Variants in MAP7 observed in about 807,000 individuals in gnomAD.
The protein encoded by MAP7 is ensconsin.
MAP7 carries 52 observed loss-of-function variants against 94.8 expected under a neutral mutation model. That is an observed-to-expected ratio of 0.55 (90% CI 0.44 to 0.69). The LOEUF is 0.69. MAP7 is among the 30% of genes least tolerant of loss of function. MAP7 has a pLI of 0.00. For missense variants in MAP7, 940 were observed against 964.6 expected (o/e 0.97, Z 0.34); for synonymous variants, 350 against 357.0 (o/e 0.98, Z 0.22).
chr6:136,450,185 A>G (rs1800670637), intron 1 of MAP7, among the ~76,000 whole-genome samples: 1 of 152,180 alleles, frequency 6.6e-6, no homozygotes, highest in Non-Finnish European at 1.5e-5. Context: ...ACTCTGTCTC[A>G]AAAATAAAAA....
chr6:136,421,837 T>C, intron 1 of MAP7, 38 bp from the exon 2 acceptor site: 2 of 1,463,924 alleles, frequency 1.4e-6, no homozygotes, highest in Non-Finnish European at 1.9e-6. Context: ...ACACATTTAG[T>C]TTCTTAAAAT....
At chr6:136,510,036 T>C (rs1235171489) in intron 1 of MAP7, among the ~76,000 whole-genome samples, 1 of 152,126 alleles carries the variant, frequency 6.6e-6, no homozygotes, top group African/African-American at 2.4e-5. Flanking sequence ...ACCCTGTCTC[T>C]ACTAAGAATA....
At chr6:136,528,024 G>C (rs1475751478) in intron 1 of MAP7, among the ~76,000 whole-genome samples, 1 of 152,228 alleles carries the variant, frequency 6.6e-6, no homozygotes, top group Non-Finnish European at 1.5e-5. Context: ...GGAGCTGAAT[G>C]GGCCTGAGAA....
intron 1 of MAP7, among the ~76,000 whole-genome samples, chr6:136,540,879 G>A (rs1204024637): frequency 6.6e-6 from 1 of 152,202 alleles, no homozygotes; most frequent in Non-Finnish European, 1.5e-5. Flanking sequence ...GTCCCCAGGT[G>A]ATTTTTAATC....
intron 1 of MAP7, among the ~76,000 whole-genome samples, chr6:136,503,519 T>A (rs1251857624): frequency 6.6e-6 from 1 of 152,124 alleles, no homozygotes; most frequent in Non-Finnish European, 1.5e-5. Flanking sequence ...GTACCATCTG[T>A]TTCCTCCCCC....
At chr6:136,458,446 C>T (rs1176111201) in intron 1 of MAP7, among the ~76,000 whole-genome samples, 1 of 151,860 alleles carries the variant, frequency 6.6e-6, no homozygotes. Flanking sequence ...CATATGGAAC[C>T]CCAAAGACTC....
At chr6:136,422,518 C>T (rs1166547261) in intron 1 of MAP7, among the ~76,000 whole-genome samples, 1 of 152,146 alleles carries the variant, frequency 6.6e-6, no homozygotes, top group Non-Finnish European at 1.5e-5. Flanking sequence ...ACATCAGAGG[C>T]CTATCTGCCC....
chr6:136,543,551 G>A (rs1422638932), intron 1 of MAP7, among the ~76,000 whole-genome samples: 3 of 152,172 alleles, frequency 2.0e-5, no homozygotes, highest in South Asian at 4.1e-4. Context: ...CCGGGAGGCT[G>A]AGGCAGGAGA....
intron 1 of MAP7, among the ~76,000 whole-genome samples, chr6:136,474,782 G>A (rs973495739): frequency 5.3e-5 from 8 of 150,988 alleles, no homozygotes; most frequent in African/African-American, 9.8e-5. Context: ...GCAATGGCAC[G>A]ATCTCAGCTC....
intron 1 of MAP7, among the ~76,000 whole-genome samples, chr6:136,522,716 G>A (rs1158501347): frequency 1.3e-5 from 2 of 152,304 alleles, no homozygotes; most frequent in South Asian, 4.1e-4. Flanking sequence ...TTGCTATGAT[G>A]CTTTGGGAAT....
chr6:136,424,057 C>T (rs1019732003), intron 1 of MAP7, among the ~76,000 whole-genome samples: 1 of 152,028 alleles, frequency 6.6e-6, no homozygotes, highest in African/African-American at 2.4e-5. Flanking sequence ...CTCGGCCTCC[C>T]AAAGTGCTGG....
chr6:136,497,797 CAAAAAAAAAAA>C (rs1199112585), intron 1 of MAP7, among the ~76,000 whole-genome samples: 1 of 46,568 alleles, frequency 2.1e-5, no homozygotes, highest in African/African-American at 6.7e-5. Flanking sequence ...GACTCTGTCA[CAAAAAAAAAAA>C]AAAAAAAAAA....
At chr6:136,522,685 A>C (rs1395219817) in intron 1 of MAP7, among the ~76,000 whole-genome samples, 3 of 152,178 alleles carry the variant, frequency 2.0e-5, no homozygotes, top group East Asian at 1.9e-4. Flanking sequence ...GTCACACACA[A>C]AAAATAAACT....
intron 8 of MAP7, among the ~76,000 whole-genome samples, chr6:136,370,472 C>G (rs1257021583): frequency 6.6e-6 from 1 of 152,162 alleles, no homozygotes; most frequent in Non-Finnish European, 1.5e-5. Context: ...TTCATAGCAG[C>G]GTTATTCACA....
intron 1 of MAP7, among the ~76,000 whole-genome samples, chr6:136,471,085 T>C (rs1808824681): frequency 6.6e-6 from 1 of 152,250 alleles, no homozygotes; most frequent in African/African-American, 2.4e-5. Context: ...ATTTCACTTA[T>C]ATTTTATTTA....
intron 3 of MAP7, among the ~76,000 whole-genome samples, chr6:136,395,885 C>T (rs1462092353): frequency 3.9e-5 from 6 of 152,030 alleles, no homozygotes; most frequent in African/African-American, 9.7e-5. Context: ...CATTTATTTC[C>T]GAGTTCTCTA....
At chr6:136,427,254 A>G (rs916603792) in intron 1 of MAP7, among the ~76,000 whole-genome samples, 1 of 152,228 alleles carries the variant, frequency 6.6e-6, no homozygotes, top group Non-Finnish European at 1.5e-5. Flanking sequence ...TCCTGGGAGG[A>G]TGAGCAGCTG....
At chr6:136,437,327 T>C (rs1441660212) in intron 1 of MAP7, among the ~76,000 whole-genome samples, 3 of 152,030 alleles carry the variant, frequency 2.0e-5, no homozygotes, top group Admixed American at 2.0e-4. Context: ...GCAGGTTTCC[T>C]ACCTCCATCC....
intron 2 of MAP7, chr6:136,419,915 C>G (rs1396480639): frequency 5.2e-6 from 3 of 579,734 alleles, no homozygotes; most frequent in Non-Finnish European, 9.7e-6. Flanking sequence ...TCTTCTATCT[C>G]TATGTATTTT....
Sources: allele counts gnomAD v4.1 joint callset (sites outside exome capture counted in the v4.1 genomes callset), GRCh38; gene constraint gnomAD v4.1.1; transcripts MANE v1.5; gene names NCBI Gene and HGNC (gene_info 2026-07-23, HGNC 2026-07-21).